The following PCSK5 variants were observed in gnomAD, a reference collection of about 807,000 sequenced individuals.
PCSK5 encodes prohormone convertase 5.
Under a neutral mutation model 233.2 loss-of-function variants are expected in PCSK5, and 129 were observed. The ratio of observed to expected loss-of-function variants is 0.55; its 90% CI spans 0.48 to 0.64. The LOEUF is 0.64. Among genes scored for constraint, PCSK5 ranks in the 30% least tolerant of loss-of-function variants. The pLI, the probability that PCSK5 is intolerant of heterozygous loss-of-function variation, is 0.00. For synonymous variants in PCSK5, 825 were observed against 879.2 expected (o/e 0.94, Z 1.09); for missense variants, 2,076 against 2,430.1 (o/e 0.85, Z 3.06).
chr9:76,358,655 G>A lies in PCSK5; in HGVS notation c.5397G>A (p.Gln1799=), dbSNP rs1295908829. The change falls in exon 38 of 38, where the codon CAG becomes CAA. Residue 1799 remains glutamine (Q), a synonymous_variant. Coordinates refer to ENST00000674117, the MANE Select transcript of PCSK5 (RefSeq NM_001372043.1). The part of the protein sequence containing the change: ...VVWKKSRGRV[Q]PAAKAGYEKL... ...GGAAGAAATCTCGTGGCCGAGTCCAGCCAGCAGCAAAGGCCGGCTATGAAA... is the reference window on the plus strand; with the variant it reads ...GGAAGAAATCTCGTGGCCGAGTCCAACCAGCAGCAAAGGCCGGCTATGAAA... 9 of 1,612,796 alleles carry A rather than the reference G, an allele frequency of 5.6e-6. No individual in the cohort carries two copies. The highest frequency in any genetic ancestry group is 7.6e-6 in the Non-Finnish European group (9 of 1,179,888).
rs567833494 is a variant in PCSK5, at chr9:76,324,614, C to T, written c.4339+1326C>T. 1.1e-4 allele frequency among the ~76,000 whole-genome samples: 16 copies of T among 152,292 alleles called. No individual in the cohort carries two copies. The South Asian group carries it at 2.9e-3, about 28-fold the overall frequency. The stretch of plus-strand genomic sequence containing the variant: ...CTGCTCCAAGGTCCCCATTTCCACT[C>T]CCACTCAGTCCCTGCATGTTCAAGA... On this transcript the variant is annotated intron_variant, in intron 32 of 37. Coordinates refer to ENST00000674117, the MANE Select transcript of PCSK5 (RefSeq NM_001372043.1).
intron 5 of PCSK5, among the ~76,000 whole-genome samples, chr9:76,057,111 G>A (rs1829849608): frequency 6.6e-6 from 1 of 152,114 alleles, no homozygotes. Flanking sequence ...TTCTCCCTAT[G>A]CTGAAAGTAT....
chr9:76,008,934 G>T (rs1251424153), intron 3 of PCSK5, among the ~76,000 whole-genome samples: 2 of 152,170 alleles, frequency 1.3e-5, no homozygotes, highest in Non-Finnish European at 2.9e-5. Flanking sequence ...GATAAGCAAT[G>T]AATAACTTTT....
At chr9:76,254,068 C>T (rs893474662) in intron 24 of PCSK5, among the ~76,000 whole-genome samples, 1 of 152,174 alleles carries the variant, frequency 6.6e-6, no homozygotes, top group Non-Finnish European at 1.5e-5. Context: ...ACTACCTTGC[C>T]ATGGCAGACA....
chr9:76,066,614 A>G (rs1434844732), intron 5 of PCSK5, among the ~76,000 whole-genome samples: 1 of 152,220 alleles, frequency 6.6e-6, no homozygotes, highest in Non-Finnish European at 1.5e-5. Context: ...ACAAACATTT[A>G]TATATATCAT....
intron 12 of PCSK5, among the ~76,000 whole-genome samples, chr9:76,160,673 T>C (rs1235920958): frequency 6.6e-6 from 1 of 152,194 alleles, no homozygotes; most frequent in Non-Finnish European, 1.5e-5. Flanking sequence ...CAGTTGCTTT[T>C]AAAAATCCCT....
intron 9 of PCSK5, among the ~76,000 whole-genome samples, chr9:76,128,698 A>G (rs2131733996): frequency 6.6e-6 from 1 of 152,310 alleles, no homozygotes; most frequent in Non-Finnish European, 1.5e-5. Context: ...GAGTAAATCC[A>G]GGGGATTAGA....
chr9:76,011,025 AATT>A (rs1827708652), intron 3 of PCSK5, among the ~76,000 whole-genome samples: 3 of 152,148 alleles, frequency 2.0e-5, no homozygotes, highest in Admixed American at 1.3e-4. Context: ...ACTTTTCTGG[AATT>A]ATTATTTTTC....
At chr9:76,059,903 G>T (rs1829965125) in intron 5 of PCSK5, among the ~76,000 whole-genome samples, 2 of 152,128 alleles carry the variant, frequency 1.3e-5, no homozygotes, top group South Asian at 4.1e-4. Context: ...CAAGCTAGAA[G>T]ACAGTGGAAT....
At chr9:75,964,014 A>T (rs548855592) in intron 2 of PCSK5, among the ~76,000 whole-genome samples, 1 of 152,212 alleles carries the variant, frequency 6.6e-6, no homozygotes, top group Non-Finnish European at 1.5e-5. Context: ...ACCTTTTTGA[A>T]TCTCAGTTTC....
chr9:76,137,060 C>T (rs1044628311), intron 10 of PCSK5, among the ~76,000 whole-genome samples: 1 of 152,116 alleles, frequency 6.6e-6, no homozygotes, highest in Non-Finnish European at 1.5e-5. Context: ...GTGAGCTAGA[C>T]TTGTGTGCAG....
At chr9:76,232,095 G>T (rs1039321466) in intron 21 of PCSK5, among the ~76,000 whole-genome samples, 2 of 152,134 alleles carry the variant, frequency 1.3e-5, no homozygotes, top group Non-Finnish European at 2.9e-5. Flanking sequence ...CCAAACCTGG[G>T]ATTGAAATGG....
At chr9:76,175,291 C>CAAATA in intron 14 of PCSK5, 162 bp downstream of exon 14, 5 of 510,672 alleles carry the variant, frequency 9.8e-6, no homozygotes, top group Non-Finnish European at 1.7e-5. Flanking sequence ...CGAATCGAAT[C>CAAATA]GAATAGAATA....
At chr9:76,160,827 G>C (rs1822822211) in intron 12 of PCSK5, among the ~76,000 whole-genome samples, 1 of 151,626 alleles carries the variant, frequency 6.6e-6, no homozygotes, top group South Asian at 2.1e-4. Flanking sequence ...CTGGAGTGCA[G>C]TGTTGGCACA....
chr9:75,991,551 C>A (rs1826768588), intron 3 of PCSK5, among the ~76,000 whole-genome samples: 1 of 152,170 alleles, frequency 6.6e-6, no homozygotes, highest in African/African-American at 2.4e-5. Flanking sequence ...GGAAAGCTGG[C>A]AGCTTTAATA....
At chr9:76,060,716 T>C (rs915728046) in intron 5 of PCSK5, among the ~76,000 whole-genome samples, 2 of 152,188 alleles carry the variant, frequency 1.3e-5, no homozygotes, top group African/African-American at 4.8e-5. Context: ...CTAAAGTCTG[T>C]ATTGTTTGGA....
intron 5 of PCSK5, among the ~76,000 whole-genome samples, chr9:76,030,018 TTAGG>T (rs1196447635): frequency 2.0e-5 from 3 of 152,084 alleles, no homozygotes; most frequent in Admixed American, 6.5e-5. Flanking sequence ...TCTGGAGAAA[TTAGG>T]TAGAGAGAAA....
At chr9:76,326,854 G>T (rs1225654470) in intron 32 of PCSK5, among the ~76,000 whole-genome samples, 1 of 152,172 alleles carries the variant, frequency 6.6e-6, no homozygotes, top group Non-Finnish European at 1.5e-5. Flanking sequence ...AGGGAGATAG[G>T]CAGGATGGAG....
chr9:76,062,925 A>G (rs1587571489), intron 5 of PCSK5, among the ~76,000 whole-genome samples: 1 of 152,006 alleles, frequency 6.6e-6, no homozygotes, highest in East Asian at 1.9e-4. Flanking sequence ...TTTTGTACCT[A>G]TTACCCAATG....
Sources: gnomAD v4.1 joint callset for allele counts (sites outside exome capture counted in the v4.1 genomes callset) on GRCh38, gnomAD v4.1.1 for gene constraint, MANE v1.5 for transcripts, NCBI Gene and HGNC (gene_info 2026-07-23, HGNC 2026-07-21) for gene names.